Variants in CHST11 observed in about 807,000 individuals in gnomAD.
CHST11 encodes C4S-1.
In CHST11, 9 loss-of-function variants were observed where a neutral mutation model predicts 30.4. The ratio of observed to expected loss-of-function variants is 0.30; its 90% confidence interval spans 0.18 to 0.52. The LOEUF (loss-of-function observed/expected upper bound fraction) is 0.52, where lower values mean the gene tolerates loss of function less well. Ranked by LOEUF, CHST11 falls within the 20% of genes least tolerant of loss-of-function variation. CHST11 has a pLI of 0.97. For missense variants in CHST11, 348 were observed against 460.6 expected, an observed-to-expected ratio of 0.76 and a Z score of 2.24; for synonymous variants, 152 against 187.8, an observed-to-expected ratio of 0.81 and a Z score of 1.56.
At chr12:104,484,199 T>C (rs1422784133) in intron 1 of CHST11, among the ~76,000 whole-genome samples, 2 of 152,158 alleles carry the variant, frequency 1.3e-5, no homozygotes, top group Non-Finnish European at 2.9e-5. Context: ...CAGTGGGTCA[T>C]TGCCAAGGAG....
intron 1 of CHST11, among the ~76,000 whole-genome samples, chr12:104,554,697 T>C (rs1044512622): frequency 2.6e-5 from 4 of 152,228 alleles, no homozygotes; most frequent in Non-Finnish European, 5.9e-5. Context: ...TGTGCAATAC[T>C]GAGATTTCTG....
chr12:104,526,722 T>C (rs1352341933), intron 1 of CHST11, among the ~76,000 whole-genome samples: 2 of 152,150 alleles, frequency 1.3e-5, no homozygotes, highest in Non-Finnish European at 2.9e-5. Context: ...GTAGAAATGT[T>C]TAGCTTCTGG....
In CHST11 at chr12:104,487,713, A is replaced by G. The variant is rs116165030; in HGVS notation, c.118+30184A>G. Among the ~76,000 whole-genome samples, 421 of 148,430 alleles carry G rather than the reference A, an allele frequency of 2.8e-3. 3 individuals are homozygous for G. The highest frequency in any genetic ancestry group is 0.01 in the African/African-American group (411 of 40,278). On this transcript the variant is annotated intron_variant, in intron 1 of 2. Transcript: ENST00000303694. ...TAAGAATCCTGTAAAAATGCATACGAAACAGTATGTACCTATTTTTTTTTT... is the reference window on the plus strand; with the variant it reads ...TAAGAATCCTGTAAAAATGCATACGGAACAGTATGTACCTATTTTTTTTTT...
intron 2 of CHST11, among the ~76,000 whole-genome samples, chr12:104,688,447 G>A (rs1704512088): frequency 6.6e-6 from 1 of 152,154 alleles, no homozygotes; most frequent in Admixed American, 6.5e-5. Flanking sequence ...GCCCCAGATA[G>A]CAAGGCTCAA....
At chr12:104,496,006 C>T (rs926572808) in intron 1 of CHST11, among the ~76,000 whole-genome samples, 4 of 152,210 alleles carry the variant, frequency 2.6e-5, no homozygotes, top group East Asian at 1.9e-4. Context: ...ACTGATGCCT[C>T]GGATAGCAGA....
chr12:104,622,312 G>T (rs1403532494), intron 2 of CHST11, among the ~76,000 whole-genome samples: 1 of 152,210 alleles, frequency 6.6e-6, no homozygotes, highest in Non-Finnish European at 1.5e-5. Flanking sequence ...TAGGTAGGAG[G>T]TACTACCACT....
At position 104,480,379 on chromosome 12, in the gene CHST11, C is replaced by T. The variant is rs186536057; in HGVS notation, c.118+22850C>T. 3.1e-3 allele frequency among the ~76,000 whole-genome samples: 464 copies of T among 152,070 alleles called. 1 individual carries two copies. Among genetic ancestry groups the T allele is most frequent in the African/African-American group, 0.011 (436 of 41,460 alleles). On this transcript the variant is annotated intron_variant, in intron 1 of 2. Coordinates refer to ENST00000303694, the MANE Select transcript of CHST11 (RefSeq NM_018413.6). ...GATCACGAGGTCAGGAGTTTGAGAC[C>T]AGCCTGGCCAAGATGGTGAAACCCC...
At chr12:104,756,532 G>T (rs201861135) in intron 2 of CHST11, among the ~76,000 whole-genome samples, 6 of 143,398 alleles carry the variant, frequency 4.2e-5, no homozygotes, top group South Asian at 2.3e-4. Context: ...ATCCATGTGG[G>T]GTGTGTGTGT....
chr12:104,656,702 G>A (rs2039547689), intron 2 of CHST11, among the ~76,000 whole-genome samples: 1 of 152,246 alleles, frequency 6.6e-6, no homozygotes, highest in Non-Finnish European at 1.5e-5. Context: ...TCCTCAGCCA[G>A]TGAGACACAG....
At chr12:104,482,857 T>A (rs1043964887) in intron 1 of CHST11, among the ~76,000 whole-genome samples, 1 of 152,092 alleles carries the variant, frequency 6.6e-6, no homozygotes, top group African/African-American at 2.4e-5. Flanking sequence ...TGTCCCCACT[T>A]CTTCTGTCTT....
chr12:104,628,182 G>A (rs900231880), intron 2 of CHST11, among the ~76,000 whole-genome samples: 6 of 152,184 alleles, frequency 3.9e-5, no homozygotes, highest in African/African-American at 7.2e-5. Context: ...CCCGACATTC[G>A]CCATTAAACC....
At chr12:104,556,281 T>C (rs2038454029) in intron 1 of CHST11, among the ~76,000 whole-genome samples, 3 of 152,060 alleles carry the variant, frequency 2.0e-5, no homozygotes, top group Non-Finnish European at 1.5e-5. Context: ...TTCTAGGTGG[T>C]TCAGCTGGCT....
intron 1 of CHST11, among the ~76,000 whole-genome samples, chr12:104,487,725 C>G (rs1490757126): frequency 8.1e-6 from 1 of 123,424 alleles, no homozygotes; most frequent in East Asian, 5.9e-4. Context: ...ACAGTATGTA[C>G]CTATTTTTTT....
At chr12:104,644,257 C>T (rs551578310) in intron 2 of CHST11, among the ~76,000 whole-genome samples, 38 of 152,294 alleles carry the variant, frequency 2.5e-4, no homozygotes, top group African/African-American at 9.1e-4. Flanking sequence ...TTCCCTGCAT[C>T]TGGGTGGACT....
chr12:104,535,208 C>T (rs542854570), intron 1 of CHST11, among the ~76,000 whole-genome samples: 4 of 152,246 alleles, frequency 2.6e-5, no homozygotes, highest in Admixed American at 6.5e-5. Context: ...GTAGGGACTC[C>T]GTCCTTGATA....
rs770441229 is a variant in CHST11 at position 104,475,658 on chromosome 12, T to TTTTATATATATA, written c.118+18130_118+18131insTTATATATATAT. Reference sequence around the variant, plus strand: ...TATGATGCCTCAGAGTAAAGCAGCATTATATATATATATATATATATATAT... The same window carrying TTTTATATATATA: ...TATGATGCCTCAGAGTAAAGCAGCATTTTATATATATATATATATATATATATATATATATAT... On this transcript the variant is annotated intron_variant, in intron 1 of 2. Transcript: ENST00000303694. Among the ~76,000 whole-genome samples, 41 of 34,160 alleles carry TTTTATATATATA rather than the reference T, an allele frequency of 1.2e-3. 1 individual carries two copies. The South Asian group carries it at 0.016, about 13-fold the overall frequency. The allele number at this position is 34,160 out of a possible 152,430, so 22.4% of individuals were successfully genotyped here. A position where few individuals can be genotyped will look rare whatever the true frequency, so the allele number is the denominator to read the frequency against.
chr12:104,617,890 A>G (rs1165962630), intron 2 of CHST11, among the ~76,000 whole-genome samples: 1 of 151,226 alleles, frequency 6.6e-6, no homozygotes, highest in African/African-American at 2.4e-5. Flanking sequence ...TCAAATACAT[A>G]TTTTTTTCTT....
rs528930322 is a variant in CHST11, at chr12:104,561,132, T to C, written c.119-40774T>C. Among the ~76,000 whole-genome samples, 7 of 152,246 alleles carry C rather than the reference T, an allele frequency of 4.6e-5. No homozygotes were observed. In the South Asian group the frequency reaches 1.5e-3, roughly 32 times the overall value. The stretch of plus-strand genomic sequence containing the variant: ...TTTGTGAGTGTCAGATGAAGAAACA[T>C]GAGTGTATTAGGTTATAGGACTGGC... On this transcript the variant is annotated intron_variant, in intron 1 of 2. Coordinates refer to ENST00000303694, the MANE Select transcript of CHST11 (RefSeq NM_018413.6).
At chr12:104,640,808 G>C (rs1443630541) in intron 2 of CHST11, among the ~76,000 whole-genome samples, 1 of 152,172 alleles carries the variant, frequency 6.6e-6, no homozygotes, top group Non-Finnish European at 1.5e-5. Flanking sequence ...ATAGGGACAG[G>C]AGGCAGGGAA....
Sources: gnomAD v4.1 joint callset for allele counts (sites outside exome capture counted in the v4.1 genomes callset) on GRCh38, gnomAD v4.1.1 for gene constraint, MANE v1.5 for transcripts, NCBI Gene and HGNC (gene_info 2026-07-23, HGNC 2026-07-21) for gene names.